EIF2B3: variants seen among roughly 807,000 people sequenced by gnomAD.
EIF2B3 encodes eukaryotic translation initiation factor 2B subunit gamma, also known as translation initiation factor eIF2B subunit gamma.
A neutral mutation model predicts 54.1 loss-of-function variants in EIF2B3; 20 were observed. That is an observed-to-expected ratio of 0.37 (90% confidence interval 0.26 to 0.54). The LOEUF (loss-of-function observed/expected upper bound fraction) is 0.54, where lower values mean the gene tolerates loss of function less well. Among genes scored for constraint, EIF2B3 ranks in the 20% least tolerant of loss-of-function variants. The pLI, the probability that EIF2B3 is intolerant of heterozygous loss-of-function variation, is 0.86. For missense variants in EIF2B3, 448 were observed against 547.8 expected (o/e 0.82, Z 1.82); for synonymous variants, 153 against 188.1 (o/e 0.81, Z 1.52).
At chr1:44,939,101 C>CAAAA (rs35410499) in intron 4 of EIF2B3, among the ~76,000 whole-genome samples, 3 of 56,236 alleles carry the variant, frequency 5.3e-5, no homozygotes, top group African/African-American at 2.0e-4. Context: ...GACCCTGTCT[C>CAAAA]AAAAAAAAAA....
At chr1:44,971,553 C>T (rs1569869907) in intron 3 of EIF2B3, among the ~76,000 whole-genome samples, 1 of 152,096 alleles carries the variant, frequency 6.6e-6, no homozygotes, top group Non-Finnish European at 1.5e-5. Context: ...AGATCTCTAG[C>T]TTACTGGGCC....
chr1:44,917,396 G>A (rs2148926431), intron 5 of EIF2B3, among the ~76,000 whole-genome samples: 1 of 151,736 alleles, frequency 6.6e-6, no homozygotes, highest in African/African-American at 2.4e-5. Flanking sequence ...TGGTGGCTGA[G>A]GCAGGAGAAT....
rs1381487569 is a variant in EIF2B3, at chr1:44,857,729, T to C, written c.1281A>G (p.Gly427=). The C allele has an allele frequency of 6.8e-6, 11 of 1,614,182 alleles. No individual in the cohort carries two copies. The highest frequency in any genetic ancestry group is 3.3e-5 in the South Asian group (3 of 91,090). The change falls in exon 11 of 12, where the codon GGA becomes GGG. Residue 427 remains glycine (G), a synonymous_variant. Transcript: ENST00000360403. ...CTTTGGCTTCAATCCTCTGGCCACTTCCAATCAAGCAGTCCTTGATGTCTG... is the reference window on the plus strand; with the variant it reads ...CTTTGGCTTCAATCCTCTGGCCACTCCCAATCAAGCAGTCCTTGATGTCTG... ...KGADIKDCLI[G]SGQRIEAKAK...
chr1:44,959,112 C>A (rs1644257582), intron 3 of EIF2B3: 3 of 760,758 alleles, frequency 3.9e-6, no homozygotes, highest in Non-Finnish European at 7.0e-6. Flanking sequence ...TACGTAACAT[C>A]CCTATTGCTA....
In EIF2B3 at chr1:44,874,782, C is replaced by A. The variant is rs150426784; in HGVS notation, c.1098G>T (p.Glu366Asp). The change falls in exon 10 of 12, where the codon GAG (glutamate) becomes GAT (aspartate). Residue 366 changes from glutamate (E) to aspartate (D), a missense_variant. Physicochemically the swap from Glu to Asp is conservative, Grantham distance 45. This residue lies in a region of EIF2B3 where 350 missense variants were observed against 414.2 expected (regional missense o/e 0.85). Coordinates refer to ENST00000360403, the MANE Select transcript of EIF2B3 (RefSeq NM_020365.5). The part of the protein sequence containing the change: ...SLIGPETQIG[E>D]KSSIKRSVIG... ...TGACTGAGCGCTTAATGGATGACTT[C>A]TCTCCAATCTGTGTCTCTGGCCCAA... 6.2e-7 allele frequency: 1 copy of A among 1,614,154 alleles called. No individual in the cohort carries two copies. Among genetic ancestry groups the A allele is most frequent in the Admixed American group, 1.7e-5 (1 of 60,022 alleles).
chr1:44,858,902 T>C (rs554685602), intron 10 of EIF2B3, among the ~76,000 whole-genome samples: 1 of 152,268 alleles, frequency 6.6e-6, no homozygotes, highest in Admixed American at 6.5e-5. Flanking sequence ...CTAAAAAGGA[T>C]TTTTTAAAAG....
Position 44,874,783 on chromosome 1 carries a change from T to C in EIF2B3, c.1097A>G (p.Glu366Gly). 1 of 1,614,128 alleles carries C rather than the reference T, an allele frequency of 6.2e-7. No individual in the cohort carries two copies. Among genetic ancestry groups the C allele is most frequent in the East Asian group, 2.2e-5 (1 of 44,880 alleles). ...GACTGAGCGCTTAATGGATGACTTC[T>C]CTCCAATCTGTGTCTCTGGCCCAAT... ...SLIGPETQIG[E>G]KSSIKRSVIG... is the part of the protein sequence containing the mutation. The change falls in exon 10 of 12, where the codon GAG becomes GGG. Residue 366 changes from glutamate (E) to glycine (G), a missense_variant. Coordinates refer to ENST00000360403, the MANE Select transcript of EIF2B3 (RefSeq NM_020365.5).
rs202246998 is a variant in EIF2B3, at chr1:44,855,799, C to T, written c.1306+1905G>A. Among the ~76,000 whole-genome samples, 18 of 152,230 alleles carry T rather than the reference C, an allele frequency of 1.2e-4. No individual in the cohort carries two copies. In the East Asian group the frequency reaches 1.7e-3, roughly 15 times the overall value. ...TTCGAACTCCTGACCTCAGGTGATC[C>T]GCCCACTTCGGCCTCCCAAAGTGCT... On this transcript the variant is annotated intron_variant, in intron 11 of 11. Coordinates refer to ENST00000360403, the MANE Select transcript of EIF2B3 (RefSeq NM_020365.5).
At chr1:44,879,021 A>T (rs1341704537) in intron 8 of EIF2B3, among the ~76,000 whole-genome samples, 1 of 152,006 alleles carries the variant, frequency 6.6e-6, no homozygotes, top group African/African-American at 2.4e-5. Flanking sequence ...TCGGCCTCCC[A>T]AATTGCTAGG....
intron 10 of EIF2B3, among the ~76,000 whole-genome samples, chr1:44,869,583 GA>G (rs1172741274): frequency 1.4e-5 from 2 of 143,970 alleles, no homozygotes; most frequent in African/African-American, 5.1e-5. Flanking sequence ...CAGGCACAAA[GA>G]GGTAAGGCCT....
intron 5 of EIF2B3, among the ~76,000 whole-genome samples, chr1:44,908,207 C>T (rs1279645171): frequency 6.6e-6 from 1 of 152,188 alleles, no homozygotes. Flanking sequence ...TTACTGGGAT[C>T]CTACTATGTC....
At chr1:44,937,424 T>C (rs537169250) in intron 4 of EIF2B3, 60 of 152,136 alleles carry the variant, frequency 3.9e-4, no homozygotes, top group African/African-American at 1.4e-3. Context: ...AAAGAGTAAA[T>C]AAGAGAGCAG....
At chr1:44,957,118 T>C (rs1292392109) in intron 3 of EIF2B3, among the ~76,000 whole-genome samples, 2 of 152,014 alleles carry the variant, frequency 1.3e-5, no homozygotes, top group African/African-American at 4.8e-5. Flanking sequence ...GAAAAAAAAT[T>C]AGCCGGGTAT....
chr1:44,922,851 T>TTC, intron 5 of EIF2B3, among the ~76,000 whole-genome samples: 1 of 128,860 alleles, frequency 7.8e-6, no homozygotes, highest in Admixed American at 8.0e-5. Context: ...TTTTTTTTTT[T>TTC]TTTTTTTTTT....
At chr1:44,870,926 G>C (rs1654945520) in intron 10 of EIF2B3, among the ~76,000 whole-genome samples, 1 of 152,108 alleles carries the variant, frequency 6.6e-6, no homozygotes, top group Admixed American at 6.6e-5. Context: ...GGGACTACAG[G>C]CATGAGCCAC....
chr1:44,887,952 A>C (rs1178055424), intron 6 of EIF2B3, among the ~76,000 whole-genome samples: 1 of 152,230 alleles, frequency 6.6e-6, no homozygotes, highest in African/African-American at 2.4e-5. Flanking sequence ...TGATTAAAAA[A>C]TTAGATTTAC....
chr1:44,917,651 G>A (rs1342229577), intron 5 of EIF2B3, among the ~76,000 whole-genome samples: 7 of 148,634 alleles, frequency 4.7e-5, no homozygotes, highest in Non-Finnish European at 8.9e-5. Flanking sequence ...GAAAAAAACT[G>A]AATCATCTAT....
intron 6 of EIF2B3, among the ~76,000 whole-genome samples, chr1:44,884,839 GC>G (rs1655523354): frequency 6.6e-6 from 1 of 152,306 alleles, no homozygotes; most frequent in Admixed American, 6.5e-5. Flanking sequence ...TTGGCACATG[GC>G]CCCATCAGGC....
At chr1:44,948,864 C>CT (rs5773859) in intron 3 of EIF2B3, among the ~76,000 whole-genome samples, 9 of 150,948 alleles carry the variant, frequency 6.0e-5, no homozygotes, top group South Asian at 2.1e-4. Flanking sequence ...CTTTTCTTTT[C>CT]TTTTTTTTTG....
Sources: gnomAD v4.1 joint callset for allele counts (sites outside exome capture counted in the v4.1 genomes callset) on GRCh38, gnomAD v4.1.1 for gene constraint, gnomAD v4.1.1 regional missense constraint, MANE v1.5 for transcripts, NCBI Gene and HGNC (gene_info 2026-07-23, HGNC 2026-07-21) for gene names.